Variants in LGALS3BP observed in about 807,000 individuals in gnomAD.
LGALS3BP encodes galectin-3-binding protein.
A neutral mutation model predicts 22.9 loss-of-function variants in LGALS3BP; 25 were observed. The observed-to-expected ratio is 1.09, with a 90% confidence interval of 0.80 to 1.53. The LOEUF (loss-of-function observed/expected upper bound fraction) is 1.53. Ranked by LOEUF, LGALS3BP falls within the 40% of genes most tolerant of loss-of-function variation. LGALS3BP has a pLI of 0.00. For missense variants in LGALS3BP, 718 were observed against 752.0 expected (o/e 0.95, Z 0.53); for synonymous variants, 335 against 331.1 (o/e 1.01, Z -0.13).
Position 78,971,910 on chromosome 17 carries a change from C to G in LGALS3BP, c.1424G>C (p.Arg475Thr). ...GAGGTAGACCAGGGACCAGGACACC[C>G]TCTTGTCCTGGAAGAGGAAGCTGGG... ...QHPSFLFQDK[R>T]VSWSLVYLPT... The change falls in exon 6 of 6, where the codon AGG (arginine) becomes ACG (threonine). Residue 475 changes from arginine to threonine, a missense_variant. Transcript: ENST00000262776. The surrounding 1 kb of genome is among the most constrained non-coding windows in gnomAD (Gnocchi z 5.6). 6.2e-7 allele frequency: 1 copy of G among 1,614,062 alleles called. No homozygotes were observed. Among genetic ancestry groups the G allele is most frequent in the Non-Finnish European group, 8.5e-7 (1 of 1,179,974 alleles).
Position 78,973,149 on chromosome 17 carries a change from C to G in LGALS3BP, c.450G>C (p.Gln150His). 1 of 1,611,224 alleles carries G rather than the reference C, an allele frequency of 6.2e-7. No individual in the cohort carries two copies. The highest frequency in any genetic ancestry group is 8.5e-7 in the Non-Finnish European group (1 of 1,179,162). The change falls in exon 5 of 6, where the codon CAG (glutamine) becomes CAC (histidine). Residue 150 changes from glutamine (Q) to histidine (H), a missense_variant. Physicochemically the swap from Gln to His is conservative, Grantham distance 24. Coordinates refer to ENST00000262776, the MANE Select transcript of LGALS3BP (RefSeq NM_005567.4). This position sits in a 1 kb window ranked among gnomAD's most constrained non-coding sequence, Gnocchi z 5.8. ...CGCTGATGGACAGGTCGCAGCCCCGCTGGCTGTCAAAGATCTGGCCAAGGG... is the reference window on the plus strand; with the variant it reads ...CGCTGATGGACAGGTCGCAGCCCCGGTGGCTGTCAAAGATCTGGCCAAGGG... ...SEALGQIFDS[Q>H]RGCDLSISVN...
At position 78,976,307 on chromosome 17, in the gene LGALS3BP, T is replaced by C. The variant is rs991702599; in HGVS notation, c.53-151A>G. 6 of 675,790 alleles carry C rather than the reference T, an allele frequency of 8.9e-6. No homozygotes were observed. The East Asian group carries it at 1.7e-4, about 19-fold the overall frequency. 41.9% of individuals were successfully genotyped at this position (675,790 alleles called of 1,614,324 possible). A position where few individuals can be genotyped will look rare whatever the true frequency, so the allele number is the denominator to read the frequency against. On this transcript the variant is annotated intron_variant, in intron 2 of 5. Coordinates refer to ENST00000262776, the MANE Select transcript of LGALS3BP (RefSeq NM_005567.4). This position sits in a 1 kb window ranked among gnomAD's most constrained non-coding sequence, Gnocchi z 4.6. ...GGCCTCTCCATGAGGGGCACCTCCA[T>C]GAGGGAGGAGTGGAAGATACATACA... is the stretch of plus-strand genomic sequence containing the variant.
chr17:78,974,929 T>TAC, intron 3 of LGALS3BP, 110 bp from the exon 4 acceptor site: 3 of 1,387,810 alleles, frequency 2.2e-6, no homozygotes, highest in Non-Finnish European at 2.9e-6. Context: ...TCCATCTGCT[T>TAC]ACAGGTCCTT....
rs756375956 is a variant in LGALS3BP at position 78,971,803 on chromosome 17, C to T, written c.1531G>A (p.Gly511Ser). ...TCGTAGGCAATGGTGCGATCTGAGC[C>T]GCCAGACTTGGTGAGGCCCAGGACA... ...LPVLGLTKSG[G>S]SDRTIAYENK... The change falls in exon 6 of 6, where the codon GGC becomes AGC. Residue 511 changes from glycine (G) to serine (S), a missense_variant. Transcript: ENST00000262776. This position sits in a 1 kb window ranked among gnomAD's most constrained non-coding sequence, Gnocchi z 5.6. The T allele has an allele frequency of 5.9e-5, 96 of 1,613,952 alleles. No individual in the cohort carries two copies. The highest frequency in any genetic ancestry group is 6.9e-5 in the Non-Finnish European group (82 of 1,180,056).
chr17:78,972,168 T>C lies in LGALS3BP; in HGVS notation c.1166A>G (p.Gln389Arg). 1 of 1,614,026 alleles carries C rather than the reference T, an allele frequency of 6.2e-7. No individual in the cohort carries two copies. The highest frequency in any genetic ancestry group is 8.5e-7 in the Non-Finnish European group (1 of 1,179,996). Residue 389 changes from glutamine to arginine, a missense_variant, in exon 6 of 6, where the codon CAG (glutamine) becomes CGG (arginine). Gln to Arg is a conservative substitution (Grantham distance 43, BLOSUM62 1). Transcript: ENST00000262776. The surrounding 1 kb of genome is among the most constrained non-coding windows in gnomAD (Gnocchi z 5.1). Reference protein sequence around the residue: ...QALEFHTVPFQLLARYKGLNL... With the variant: ...QALEFHTVPFRLLARYKGLNL... ...CAGGCCTTTGTACCGGGCCAGCAAC[T>C]GGAAGGGCACAGTGTGGAATTCCAG...
Position 78,974,783 on chromosome 17 carries a change from G to C in LGALS3BP, c.281C>G (p.Thr94Arg). The change falls in exon 4 of 6, where the codon ACG (threonine) becomes AGG (arginine). Residue 94 changes from threonine (T) to arginine (R), a missense_variant. Thr to Arg is a moderately conservative substitution (Grantham distance 71, BLOSUM62 -1). Transcript: ENST00000262776. ...GTCGGCCAGTGAGGCCTCGGTTCCC[G>C]TGCACTGGACCTCATCCAGCATGAT... Reference protein sequence around the residue: ...GPIMLDEVQCTGTEASLADCK... With the variant: ...GPIMLDEVQCRGTEASLADCK... 1 of 1,613,780 alleles carries C rather than the reference G, an allele frequency of 6.2e-7. No individual in the cohort carries two copies. The highest frequency in any genetic ancestry group is 8.5e-7 in the Non-Finnish European group (1 of 1,179,996).
rs1237966073 is a variant in LGALS3BP, at chr17:78,973,345, T to C, written c.377-123A>G. On this transcript the variant is annotated intron_variant, in intron 4 of 5. Transcript: ENST00000262776. The surrounding 1 kb of genome is among the most constrained non-coding windows in gnomAD (Gnocchi z 5.8). ...TGCCTCATTCACTCTGGAAGGCTCC[T>C]GGGAAGACGAGGGACAAGAGAGACC... The C allele has an allele frequency of 6.8e-6, 8 of 1,177,800 alleles. No homozygotes were observed. The Admixed American group carries it at 8.6e-5, about 13-fold the overall frequency. 73.0% of individuals were successfully genotyped at this position (1,177,800 alleles called of 1,614,324 possible).
intron 1 of LGALS3BP, 97 bp downstream of exon 1, chr17:78,979,727 G>T (rs2070749151): frequency 6.6e-6 from 1 of 152,176 alleles, no homozygotes; most frequent in Admixed American, 6.5e-5. Context: ...CTCCAGCCTG[G>T]GTGACAGAGT....
rs61010749 is a variant in LGALS3BP at position 78,976,498 on chromosome 17, G to A, written c.53-342C>T. Among the ~76,000 whole-genome samples the A allele has an allele frequency of 0.017, 2,619 of 152,282 alleles. 64 individuals carry two copies. The highest frequency in any genetic ancestry group is 0.055 in the African/African-American group (2,297 of 41,554). ...AGGATAGGAGGGGAACGGAGGCCCCGTGCTGACCCGCCCTGCAGAGGGTGT... is the reference window on the plus strand; with the variant it reads ...AGGATAGGAGGGGAACGGAGGCCCCATGCTGACCCGCCCTGCAGAGGGTGT... On this transcript the variant is annotated intron_variant, in intron 2 of 5. Coordinates refer to ENST00000262776, the MANE Select transcript of LGALS3BP (RefSeq NM_005567.4). This position sits in a 1 kb window ranked among gnomAD's most constrained non-coding sequence, Gnocchi z 4.6.
Position 78,971,956 on chromosome 17 carries a change from A to G in LGALS3BP, c.1378T>C (p.Ser460Pro), listed in dbSNP as rs1406890141. The change falls in exon 6 of 6, where the codon TCC (serine) becomes CCC (proline). Residue 460 changes from serine (S) to proline (P), a missense_variant. Coordinates refer to ENST00000262776, the MANE Select transcript of LGALS3BP (RefSeq NM_005567.4). This position sits in a 1 kb window ranked among gnomAD's most constrained non-coding sequence, Gnocchi z 5.6. ...CTGGGGTGTTGTGGAGTCTGGAAGG[A>G]CTGGTAGGGGTAGTATCTGTAGTCA... ...PSDYRYYPYQ[S>P]FQTPQHPSFL... is the part of the protein sequence containing the mutation. 1 of 1,614,062 alleles carries G rather than the reference A, an allele frequency of 6.2e-7. No homozygotes were observed. The highest frequency in any genetic ancestry group is 8.5e-7 in the Non-Finnish European group (1 of 1,180,010).
Position 78,972,134 on chromosome 17 carries a change from G to T in LGALS3BP, c.1200C>A (p.Thr400=). Residue 400 remains threonine (T), a synonymous_variant, in exon 6 of 6, where the codon ACC becomes ACA. Coordinates refer to ENST00000262776, the MANE Select transcript of LGALS3BP (RefSeq NM_005567.4). This position sits in a 1 kb window ranked among gnomAD's most constrained non-coding sequence, Gnocchi z 5.1. The part of the protein sequence containing the change: ...LLARYKGLNL[T]EDTYKPRIYT... ...AAATCCGGGGCTTGTAGGTATCCTC[G>T]GTGAGGTTCAGGCCTTTGTACCGGG... 6 of 1,613,432 alleles carry T rather than the reference G, an allele frequency of 3.7e-6. No individual in the cohort carries two copies. Among genetic ancestry groups the T allele is most frequent in the Non-Finnish European group, 5.1e-6 (6 of 1,179,540 alleles).
chr17:78,975,034 G>T (rs2070708121), intron 3 of LGALS3BP: 1 of 593,726 alleles, frequency 1.7e-6, no homozygotes, highest in Non-Finnish European at 2.9e-6. Context: ...AAAGCTTACC[G>T]GCTGCTTCAG....
Position 78,972,216 on chromosome 17 carries a change from A to G in LGALS3BP, c.1118T>C (p.Phe373Ser). 6.2e-7 allele frequency: 1 copy of G among 1,613,874 alleles called. No homozygotes were observed. The highest frequency in any genetic ancestry group is 8.5e-7 in the Non-Finnish European group (1 of 1,179,990). ...CAGGGCCTGCAGAGTCTTCTTCTGG[A>G]ACAGGGCCTCGTGGCTCCAGTACAG... Reference protein sequence around the residue: ...LSLYWSHEALFQKKTLQALEF... With the variant: ...LSLYWSHEALSQKKTLQALEF... The change falls in exon 6 of 6, where the codon TTC becomes TCC. Residue 373 changes from phenylalanine to serine, a missense_variant. Coordinates refer to ENST00000262776, the MANE Select transcript of LGALS3BP (RefSeq NM_005567.4). This position sits in a 1 kb window ranked among gnomAD's most constrained non-coding sequence, Gnocchi z 5.1.
In LGALS3BP at chr17:78,972,018, A is replaced by G; in HGVS notation, c.1316T>C (p.Leu439Ser). ...QLVYQSRRGPLVKYSSDYFQA... is the reference protein window; with the variant it reads ...QLVYQSRRGPSVKYSSDYFQA... ...GAAGTAATCAGAAGAATATTTGACC[A>G]AAGGCCCCCGTCTGGACTGATAGAC... The change falls in exon 6 of 6, where the codon TTG becomes TCG. Residue 439 changes from leucine (L) to serine (S), a missense_variant. Transcript: ENST00000262776. The surrounding 1 kb of genome is among the most constrained non-coding windows in gnomAD (Gnocchi z 5.1). The G allele has an allele frequency of 6.2e-7, 1 of 1,614,038 alleles. No individual in the cohort carries two copies. Among genetic ancestry groups the G allele is most frequent in the South Asian group, 1.1e-5 (1 of 91,076 alleles).
At chr17:78,974,455 C>T (rs2070701342) in intron 4 of LGALS3BP, among the ~76,000 whole-genome samples, 1 of 152,218 alleles carries the variant, frequency 6.6e-6, no homozygotes, top group African/African-American at 2.4e-5. Context: ...TGCATGGAGA[C>T]TTGGTGGTTC....
intron 3 of LGALS3BP, 138 bp downstream of exon 3, chr17:78,975,826 GT>G: frequency 4.5e-6 from 1 of 222,460 alleles, no homozygotes; most frequent in East Asian, 1.0e-4. Flanking sequence ...AAAAAAAAGT[GT>G]TTGCTCTTGC....
chr17:78,974,295 C>T (rs1369551249), intron 4 of LGALS3BP, among the ~76,000 whole-genome samples: 3 of 152,254 alleles, frequency 2.0e-5, no homozygotes, highest in Admixed American at 6.5e-5. Context: ...GCTGAGGCTG[C>T]GAGTAGCCGG....
chr17:78,973,248 G>T lies in LGALS3BP; in HGVS notation c.377-26C>A. The T allele has an allele frequency of 6.7e-7, 1 of 1,485,846 alleles. No homozygotes were observed. Among genetic ancestry groups the T allele is most frequent in the Non-Finnish European group, 8.9e-7 (1 of 1,117,944 alleles). 92.0% of individuals were successfully genotyped at this position (1,485,846 alleles called of 1,614,324 possible). ...CTAAGAAGGGGCGGGAGGGAAGTGG[G>T]CTGCGTTAGGAGCCGGGGCACTGCC... is the stretch of plus-strand genomic sequence containing the variant. On this transcript the variant is annotated intron_variant, in intron 4 of 5. Transcript: ENST00000262776. This position sits in a 1 kb window ranked among gnomAD's most constrained non-coding sequence, Gnocchi z 5.8.
At position 78,971,613 on chromosome 17, in the gene LGALS3BP, C is replaced by T. The variant is rs745499347; in HGVS notation, c.1721G>A (p.Arg574His). 24 of 1,613,444 alleles carry T rather than the reference C, an allele frequency of 1.5e-5. No individual in the cohort carries two copies. The highest frequency in any genetic ancestry group is 1.8e-5 in the Non-Finnish European group (21 of 1,179,994). ...GHFNGFRTVI[R>H]PFYLTNSSGV... ...TGAGGAGTTGGTCAGGTAGAAGGGG[C>T]GGATGACCGTGCGGAAGCCGTTGAA... is the stretch of plus-strand genomic sequence containing the variant. The change falls in exon 6 of 6, where the codon CGC becomes CAC. Residue 574 changes from arginine (R) to histidine (H), a missense_variant. Transcript: ENST00000262776. This position sits in a 1 kb window ranked among gnomAD's most constrained non-coding sequence, Gnocchi z 5.6.
Sources: allele counts gnomAD v4.1 joint callset (sites outside exome capture counted in the v4.1 genomes callset), GRCh38; gene constraint gnomAD v4.1.1; non-coding constraint Gnocchi (gnomAD v3.1); transcripts MANE v1.5; gene names NCBI Gene and HGNC (gene_info 2026-07-23, HGNC 2026-07-21).